The following NOX4 variants were observed in gnomAD, a reference collection of about 807,000 sequenced individuals.
The protein encoded by NOX4 is kidney oxidase-1.
In NOX4, 69 loss-of-function variants were observed where a neutral mutation model predicts 87.6. The observed-to-expected ratio is 0.79, with a 90% CI of 0.65 to 0.96. NOX4 has a LOEUF of 0.96. NOX4 is among the 40% of genes least tolerant of loss of function. The pLI is 0.00. For missense variants in NOX4, 680 were observed against 681.5 expected (o/e 1.00, Z 0.02); for synonymous variants, 275 against 238.2 (o/e 1.15, Z -1.42).
chr11:89,402,232 A>G (rs1288287392), intron 9 of NOX4, 94 bp downstream of exon 9: 2 of 889,246 alleles, frequency 2.2e-6, no homozygotes, highest in Non-Finnish European at 3.7e-6. Flanking sequence ...CCTATTATGC[A>G]TGAATATATA....
At chr11:89,405,167 C>T (rs1367511235) in intron 8 of NOX4, among the ~76,000 whole-genome samples, 6 of 148,324 alleles carry the variant, frequency 4.0e-5, no homozygotes, top group Non-Finnish European at 8.9e-5. Context: ...AAATAAATGT[C>T]GTTAATCCCT....
chr11:89,363,575 A>C (rs2135015358), intron 12 of NOX4, among the ~76,000 whole-genome samples: 1 of 152,234 alleles, frequency 6.6e-6, no homozygotes, highest in African/African-American at 2.4e-5. Context: ...TAAAAAGGGA[A>C]AGAAGCACAT....
At chr11:89,445,297 AC>A (rs1285557425) in intron 4 of NOX4, among the ~76,000 whole-genome samples, 2 of 151,970 alleles carry the variant, frequency 1.3e-5, no homozygotes, top group East Asian at 3.9e-4. Context: ...ATTTCCCACA[AC>A]CCATAATGTA....
At chr11:89,420,752 T>A (rs75028892) in intron 8 of NOX4, among the ~76,000 whole-genome samples, 1,855 of 152,332 alleles carry the variant, frequency 0.012, 36 homozygotes, top group African/African-American at 0.042. Context: ...TTCAAACTGT[T>A]TCCCTGGAAA....
chr11:89,455,677 G>A (rs1945161814), intron 2 of NOX4, among the ~76,000 whole-genome samples: 1 of 150,158 alleles, frequency 6.7e-6, no homozygotes, highest in South Asian at 2.1e-4. Context: ...ATATTATGAA[G>A]TGGTCACTGA....
At chr11:89,432,009 T>G (rs1009112241) in intron 7 of NOX4, among the ~76,000 whole-genome samples, 18 of 152,186 alleles carry the variant, frequency 1.2e-4, no homozygotes, top group African/African-American at 4.1e-4. Context: ...CACCATGGAT[T>G]ACTATGCAGC....
the NOX4 span, among the ~76,000 whole-genome samples, chr11:89,503,975 C>T: frequency 6.6e-6 from 1 of 150,828 alleles, no homozygotes; most frequent in South Asian, 2.1e-4. Context: ...ATAATTACAA[C>T]ACAAAACACT....
At chr11:89,555,195 C>G in the NOX4 span, among the ~76,000 whole-genome samples, 2 of 149,762 alleles carry the variant, frequency 1.3e-5, no homozygotes, top group Non-Finnish European at 3.0e-5. Flanking sequence ...AAAAAAAATG[C>G]TTTTAGTCTG....
chr11:89,574,440 T>C, the NOX4 span, among the ~76,000 whole-genome samples: 12 of 152,216 alleles, frequency 7.9e-5, no homozygotes, highest in Non-Finnish European at 5.9e-5. Context: ...TCTAGATTTC[T>C]GGTTTCTTCC....
chr11:89,355,155 T>A, intron 12 of NOX4, 112 bp from the exon 13 acceptor site: 2 of 730,804 alleles, frequency 2.7e-6, no homozygotes, highest in Non-Finnish European at 4.5e-6. Flanking sequence ...TGACTGTATA[T>A]CCATCCTTTA....
At chr11:89,382,316 A>G (rs935202711) in intron 11 of NOX4, among the ~76,000 whole-genome samples, 2 of 151,912 alleles carry the variant, frequency 1.3e-5, no homozygotes, top group African/African-American at 4.8e-5. Context: ...TAAAACCTAA[A>G]TGCCTTATTT....
intron 8 of NOX4, among the ~76,000 whole-genome samples, chr11:89,410,461 TC>T (rs1236136832): frequency 2.0e-5 from 3 of 152,188 alleles, no homozygotes; most frequent in Non-Finnish European, 4.4e-5. Flanking sequence ...TGAAAGGGAT[TC>T]CCTGCATAAA....
chr11:89,522,497 T>A, the NOX4 span, among the ~76,000 whole-genome samples: 2 of 152,232 alleles, frequency 1.3e-5, no homozygotes, highest in East Asian at 3.9e-4. Context: ...AAACTGGGGT[T>A]TACTGGGAGT....
At chr11:89,413,248 C>A (rs568287617) in intron 8 of NOX4, among the ~76,000 whole-genome samples, 10 of 152,136 alleles carry the variant, frequency 6.6e-5, no homozygotes, top group South Asian at 2.1e-4. Context: ...GTTAGCATAA[C>A]CCTTATGGGA....
the NOX4 span, among the ~76,000 whole-genome samples, chr11:89,568,160 A>G: frequency 6.6e-6 from 1 of 152,148 alleles, no homozygotes; most frequent in Non-Finnish European, 1.5e-5. Flanking sequence ...CCGTGAAATC[A>G]TCCAGAAACA....
the NOX4 span, among the ~76,000 whole-genome samples, chr11:89,527,805 G>T: frequency 6.6e-6 from 1 of 152,166 alleles, no homozygotes; most frequent in Non-Finnish European, 1.5e-5. Flanking sequence ...CTCTGCTAGG[G>T]CAGTGTGGAA....
chr11:89,559,175 G>C, the NOX4 span, among the ~76,000 whole-genome samples: 318 of 151,938 alleles, frequency 2.1e-3, no homozygotes, highest in Middle Eastern at 6.8e-3. Context: ...AAAAATCATG[G>C]GTCCTGCTCT....
intron 15 of NOX4, among the ~76,000 whole-genome samples, chr11:89,337,775 T>A (rs1291871623): frequency 1.3e-5 from 2 of 152,186 alleles, no homozygotes; most frequent in Admixed American, 1.3e-4. Context: ...TCTTTATAGA[T>A]ACAAAATTTA....
chr11:89,535,686 A>T, the NOX4 span, among the ~76,000 whole-genome samples: 3 of 151,236 alleles, frequency 2.0e-5, no homozygotes, highest in East Asian at 1.9e-4. Flanking sequence ...TACAGAGTTT[A>T]AAAAAAAAGG....
Sources: gnomAD v4.1 joint callset for allele counts (sites outside exome capture counted in the v4.1 genomes callset) on GRCh38, gnomAD v4.1.1 for gene constraint, MANE v1.5 for transcripts, NCBI Gene and HGNC (gene_info 2026-07-23, HGNC 2026-07-21) for gene names.